The following RNF150 variants were observed in gnomAD, a reference collection of about 807,000 sequenced individuals.
RNF150 encodes ring finger protein 150.
A neutral mutation model predicts 39.3 loss-of-function variants in RNF150; 24 were observed. The ratio of observed to expected loss-of-function variants is 0.61; its 90% CI spans 0.44 to 0.86. The LOEUF (loss-of-function observed/expected upper bound fraction) is 0.86. Among genes scored for constraint, RNF150 ranks in the 40% least tolerant of loss-of-function variants. The probability of loss-of-function intolerance (pLI) is 0.00; values close to 1 mark genes in which losing one functional copy is unlikely to be tolerated. For missense variants in RNF150, 502 were observed against 587.8 expected (o/e 0.85, Z 1.51); for synonymous variants, 255 against 227.3 (o/e 1.12, Z -1.10).
chr4:141,005,328 A>G (rs559159232), intron 1 of RNF150, among the ~76,000 whole-genome samples: 12 of 152,310 alleles, frequency 7.9e-5, no homozygotes, highest in Non-Finnish European at 4.4e-5. Flanking sequence ...TGATGCATGG[A>G]TGTGGATGAG....
intron 1 of RNF150, among the ~76,000 whole-genome samples, chr4:141,201,078 C>T (rs1316340373): frequency 6.6e-6 from 1 of 152,134 alleles, no homozygotes; most frequent in East Asian, 1.9e-4. Flanking sequence ...TACAATAGAT[C>T]AGATTATTAT....
At chr4:141,081,788 T>C (rs1308733316) in intron 1 of RNF150, among the ~76,000 whole-genome samples, 7 of 152,344 alleles carry the variant, frequency 4.6e-5, no homozygotes, top group Admixed American at 3.9e-4. Flanking sequence ...TCATGTATGT[T>C]TAAAGAACAA....
At chr4:141,161,787 T>C (rs140347664) in intron 1 of RNF150, among the ~76,000 whole-genome samples, 1 of 152,364 alleles carries the variant, frequency 6.6e-6, no homozygotes, top group African/African-American at 2.4e-5. Context: ...CCAAAGGGTG[T>C]AAGCCATTAG....
chr4:141,072,450 T>C (rs899684740), intron 1 of RNF150, among the ~76,000 whole-genome samples: 16 of 152,192 alleles, frequency 1.1e-4, no homozygotes, highest in Non-Finnish European at 1.9e-4. Context: ...TGGGCATGTG[T>C]GTTTTCAGTG....
intron 1 of RNF150, among the ~76,000 whole-genome samples, chr4:140,970,528 A>G (rs538830095): frequency 6.9e-6 from 1 of 145,980 alleles, no homozygotes; most frequent in South Asian, 2.3e-4. Flanking sequence ...AGTCTAACAG[A>G]GTTGGCTTCT....
intron 4 of RNF150, among the ~76,000 whole-genome samples, chr4:140,947,431 T>C (rs1257253849): frequency 6.6e-6 from 1 of 152,168 alleles, no homozygotes; most frequent in Non-Finnish European, 1.5e-5. Flanking sequence ...CTTCCTTTGA[T>C]GCAAAGGGGA....
At chr4:141,136,579 G>A (rs1201770568), upstream of RNF150, among the ~76,000 whole-genome samples, 3 of 151,942 alleles carry the variant, frequency 2.0e-5, no homozygotes, top group Non-Finnish European at 4.4e-5. Context: ...AGCAATGAGC[G>A]CTTGCTATAC....
chr4:140,967,720 G>A lies in RNF150; in HGVS notation c.638C>T (p.Ser213Phe). 6.2e-7 allele frequency: 1 copy of A among 1,613,574 alleles called. No individual in the cohort carries two copies. The highest frequency in any genetic ancestry group is 8.5e-7 in the Non-Finnish European group (1 of 1,179,628). ...GATCATCAGGACAATGAAGGAGATG[G>A]AGACAAACACAACCGAAGTGCGGCT... The part of the protein sequence containing the change: ...YVSRTSVVFV[S>F]ISFIVLMIIS... The change falls in exon 2 of 7, where the codon TCC becomes TTC. Residue 213 changes from serine to phenylalanine, a missense_variant. By Grantham distance (155) the Ser-to-Phe change is radical. Coordinates refer to ENST00000515673, the MANE Select transcript of RNF150 (RefSeq NM_020724.2).
At chr4:141,115,319 A>G (rs1192199401) in intron 1 of RNF150, among the ~76,000 whole-genome samples, 2 of 152,242 alleles carry the variant, frequency 1.3e-5, no homozygotes, top group Non-Finnish European at 2.9e-5. Flanking sequence ...TCAATATGCA[A>G]AAATCACAAG....
chr4:141,177,371 G>A (rs181229597), intron 1 of RNF150, among the ~76,000 whole-genome samples: 74 of 152,254 alleles, frequency 4.9e-4, no homozygotes, highest in Middle Eastern at 3.4e-3. Context: ...GTTTGGCAGC[G>A]TGCCAGAATT....
chr4:141,185,318 T>C (rs1727985101), intron 1 of RNF150, among the ~76,000 whole-genome samples: 1 of 152,178 alleles, frequency 6.6e-6, no homozygotes, highest in African/African-American at 2.4e-5. Context: ...ACTCATGATT[T>C]GGCTGTCTGC....
chr4:141,069,932 A>G (rs1054779805), intron 1 of RNF150, among the ~76,000 whole-genome samples: 1 of 151,840 alleles, frequency 6.6e-6, no homozygotes, highest in African/African-American at 2.4e-5. Flanking sequence ...TATTGTGTCT[A>G]TTTGATTCTT....
At chr4:141,204,366 C>A (rs1028788976) in intron 1 of RNF150, among the ~76,000 whole-genome samples, 2 of 152,124 alleles carry the variant, frequency 1.3e-5, no homozygotes, top group Admixed American at 6.6e-5. Context: ...CAAGAAAAAT[C>A]TTTGCAAAAG....
At chr4:141,031,540 C>A (rs896705308) in intron 1 of RNF150, among the ~76,000 whole-genome samples, 9 of 151,868 alleles carry the variant, frequency 5.9e-5, no homozygotes, top group African/African-American at 1.9e-4. Context: ...ATATAAGGAA[C>A]TCAACCAATT....
intron 2 of RNF150, among the ~76,000 whole-genome samples, chr4:140,952,396 T>G (rs1732575618): frequency 1.3e-5 from 2 of 152,194 alleles, no homozygotes; most frequent in South Asian, 4.1e-4. Context: ...TTTTAGCAAA[T>G]GAAATATGCC....
intron 1 of RNF150, among the ~76,000 whole-genome samples, chr4:140,969,686 T>A (rs1733383024): frequency 2.1e-5 from 3 of 139,744 alleles, no homozygotes; most frequent in Non-Finnish European, 4.5e-5. Context: ...TAGAAGTACA[T>A]TTTTTTTTTT....
chr4:141,022,672 C>G (rs1445675765), intron 1 of RNF150, among the ~76,000 whole-genome samples: 1 of 152,154 alleles, frequency 6.6e-6, no homozygotes, highest in Admixed American at 6.5e-5. Flanking sequence ...TGAATGGAAG[C>G]TCATTTAGGA....
chr4:140,939,541 T>C (rs1241716693), intron 4 of RNF150, among the ~76,000 whole-genome samples: 2 of 151,756 alleles, frequency 1.3e-5, no homozygotes, highest in East Asian at 3.9e-4. Context: ...TGAAAGTGCT[T>C]TGGGGCTGGA....
At chr4:141,007,249 A>G (rs145242666) in intron 1 of RNF150, among the ~76,000 whole-genome samples, 1 of 152,318 alleles carries the variant, frequency 6.6e-6, no homozygotes, top group African/African-American at 2.4e-5. Flanking sequence ...TGAACATTCA[A>G]GTTTATCCAT....
Sources: gnomAD v4.1 joint callset for allele counts (sites outside exome capture counted in the v4.1 genomes callset) on GRCh38, gnomAD v4.1.1 for gene constraint, MANE v1.5 for transcripts, NCBI Gene and HGNC (gene_info 2026-07-23, HGNC 2026-07-21) for gene names.